TTLL5: variants seen among roughly 807,000 people sequenced by gnomAD.
TTLL5 encodes the protein tubulin tyrosine ligase like 5.
In TTLL5, 132 loss-of-function variants were observed where a neutral mutation model predicts 168.4. The ratio of observed to expected loss-of-function variants is 0.78; its 90% CI spans 0.68 to 0.91. The LOEUF is 0.91. Among genes scored for constraint, TTLL5 ranks in the 40% least tolerant of loss-of-function variants. TTLL5 has a pLI of 0.00. For missense variants in TTLL5, 1,545 were observed against 1,581.5 expected (o/e 0.98, Z 0.39); for synonymous variants, 546 against 558.6 (o/e 0.98, Z 0.32).
At chr14:75,691,567 T>A (rs1361638920) in intron 6 of TTLL5, among the ~76,000 whole-genome samples, 1 of 152,244 alleles carries the variant, frequency 6.6e-6, no homozygotes, top group Non-Finnish European at 1.5e-5. Context: ...ACTGGCAGTT[T>A]GGCTTCAGAG....
intron 28 of TTLL5, among the ~76,000 whole-genome samples, chr14:75,858,326 C>T (rs1039710567): frequency 2.6e-5 from 4 of 152,222 alleles, no homozygotes; most frequent in African/African-American, 9.6e-5. Context: ...TATTCTTGAC[C>T]ACCATAGCAT....
At chr14:75,893,923 G>C (rs1021145854) in intron 30 of TTLL5, among the ~76,000 whole-genome samples, 2 of 151,636 alleles carry the variant, frequency 1.3e-5, no homozygotes, top group African/African-American at 4.8e-5. Flanking sequence ...AGACTGTATA[G>C]AGATAGAAGT....
chr14:75,875,826 T>C (rs752801790), intron 29 of TTLL5, among the ~76,000 whole-genome samples: 5 of 152,214 alleles, frequency 3.3e-5, no homozygotes, highest in Non-Finnish European at 5.9e-5. Flanking sequence ...TACATACATA[T>C]AGAAAATAAG....
intron 31 of TTLL5, among the ~76,000 whole-genome samples, chr14:75,912,007 C>T (rs2033407539): frequency 6.6e-6 from 1 of 152,194 alleles, no homozygotes; most frequent in African/African-American, 2.4e-5. Context: ...TCCTGAAAAC[C>T]TGCAGCGTTG....
intron 27 of TTLL5, among the ~76,000 whole-genome samples, chr14:75,809,906 T>C (rs1893891519): frequency 6.6e-6 from 1 of 152,230 alleles, no homozygotes; most frequent in South Asian, 2.1e-4. Flanking sequence ...TTCATTCTTT[T>C]TGTGGCCGAA....
In TTLL5 at chr14:75,890,910, G is replaced by A. The variant is rs138700044; in HGVS notation, c.3740+8008G>A. Among the ~76,000 whole-genome samples the A allele has an allele frequency of 6.8e-3, 1,032 of 152,108 alleles. 13 individuals are homozygous for A. The highest frequency in any genetic ancestry group is 0.024 in the African/African-American group (985 of 41,488). ...AATTTTTTGTATTTTTAGTAGAGAC[G>A]GGGTTTCACCGTGTTGCCCAGGGTG... On this transcript the variant is annotated intron_variant, in intron 30 of 31. Transcript: ENST00000298832.
intron 18 of TTLL5, among the ~76,000 whole-genome samples, chr14:75,757,587 A>T (rs1890359211): frequency 6.6e-6 from 1 of 152,230 alleles, no homozygotes; most frequent in African/African-American, 2.4e-5. Context: ...AATAATTATT[A>T]TAATTTTTCT....
In TTLL5 at chr14:75,799,677, T is replaced by G. The variant is rs1893179062; in HGVS notation, c.3171+6577T>G. Among the ~76,000 whole-genome samples, 3 of 152,340 alleles carry G rather than the reference T, an allele frequency of 2.0e-5. No individual in the cohort carries two copies. The South Asian group carries it at 6.2e-4, about 32-fold the overall frequency. On this transcript the variant is annotated intron_variant, in intron 27 of 31. Coordinates refer to ENST00000298832, the MANE Select transcript of TTLL5 (RefSeq NM_015072.5). Reference sequence around the variant, plus strand: ...GTGCTGGCTTGGTAGTGGCTAATTCTCTCAGCATTTGTTTGTCTGAAAAAG... The same window carrying G: ...GTGCTGGCTTGGTAGTGGCTAATTCGCTCAGCATTTGTTTGTCTGAAAAAG...
intron 30 of TTLL5, among the ~76,000 whole-genome samples, chr14:75,897,611 G>A (rs1566650756): frequency 1.3e-5 from 2 of 152,016 alleles, no homozygotes; most frequent in Non-Finnish European, 2.9e-5. Context: ...CAAGTAGCTG[G>A]TTTTACAGGC....
chr14:75,682,082 C>T (rs1369784655), intron 4 of TTLL5, among the ~76,000 whole-genome samples: 1 of 150,968 alleles, frequency 6.6e-6, no homozygotes, highest in African/African-American at 2.4e-5. Flanking sequence ...CCCAGCTACT[C>T]AGGAGCCCGA....
At chr14:75,851,877 C>T (rs1896874334) in intron 28 of TTLL5, among the ~76,000 whole-genome samples, 1 of 152,142 alleles carries the variant, frequency 6.6e-6, no homozygotes, top group African/African-American at 2.4e-5. Flanking sequence ...AGAAGCAGTG[C>T]TTGTTGTTTA....
At chr14:75,688,085 C>T (rs1885200891) in intron 5 of TTLL5, among the ~76,000 whole-genome samples, 1 of 152,108 alleles carries the variant, frequency 6.6e-6, no homozygotes, top group South Asian at 2.1e-4. Flanking sequence ...CTTGGAATCT[C>T]CAGAGTGAGA....
intron 31 of TTLL5, among the ~76,000 whole-genome samples, chr14:75,948,158 T>C (rs2034836889): frequency 1.4e-5 from 1 of 71,050 alleles, no homozygotes. Context: ...AGTCCTCATA[T>C]TTTTGGAAAT....
rs1890385767 is a variant in TTLL5 at position 75,757,939 on chromosome 14, T to A, written c.1550+4984T>A. On this transcript the variant is annotated intron_variant, in intron 18 of 31. Coordinates refer to ENST00000298832, the MANE Select transcript of TTLL5 (RefSeq NM_015072.5). ...TGTGTGACCATGCACAGACTAAGCA[T>A]AATACCTTATATAACCATTTTTAGT... 13 of 1,350,596 alleles carry A rather than the reference T, an allele frequency of 9.6e-6. No homozygotes were observed. The South Asian group carries it at 2.5e-4, about 26-fold the overall frequency. 83.7% of individuals were successfully genotyped at this position (1,350,596 alleles called of 1,614,324 possible).
rs759708297 is a variant in TTLL5, at chr14:75,863,652, T to G, written c.3327-15T>G. On this transcript the variant is annotated splice_polypyrimidine_tract_variant and intron_variant, in intron 28 of 31. Transcript: ENST00000298832. ...AGCCACTCACTCTAAGAAACCTGCT[T>G]GCTTTTCTCTTCAGGAGCCTGCAGA... The G allele has an allele frequency of 6.3e-7, 1 of 1,586,038 alleles. No homozygotes were observed. Among genetic ancestry groups the G allele is most frequent in the South Asian group, 1.1e-5 (1 of 87,382 alleles).
At position 75,783,392 on chromosome 14, in the gene TTLL5, G is replaced by C; in HGVS notation, c.2848G>C (p.Gly950Arg). Residue 950 changes from glycine to arginine, a missense_variant, in exon 26 of 32, where the codon GGG (glycine) becomes CGG (arginine). Transcript: ENST00000298832. ...SASASPCLHP[G>R]AQNIPSPTGL... ...CAGTGCTTCTCCCTGCCTACATCCC[G>C]GGGCACAGAACATCCCAAGCCCTAC... The C allele has an allele frequency of 6.2e-7, 1 of 1,614,074 alleles. No homozygotes were observed.
At chr14:75,697,615 A>G (rs1885964009) in intron 6 of TTLL5, among the ~76,000 whole-genome samples, 1 of 152,184 alleles carries the variant, frequency 6.6e-6, no homozygotes, top group African/African-American at 2.4e-5. Context: ...GGAGACAAGT[A>G]GTTGCTGGCA....
intron 6 of TTLL5, among the ~76,000 whole-genome samples, chr14:75,695,713 G>A (rs1237806147): frequency 6.6e-6 from 1 of 152,024 alleles, no homozygotes; most frequent in South Asian, 2.1e-4. Context: ...TGGTTCCCCC[G>A]ATAGCCAGAA....
At chr14:75,756,295 T>C (rs1405643512) in intron 18 of TTLL5, among the ~76,000 whole-genome samples, 1 of 152,210 alleles carries the variant, frequency 6.6e-6, no homozygotes, top group East Asian at 1.9e-4. Context: ...TGACTCTATA[T>C]AATATTTTTG....
Sources: gnomAD v4.1 joint callset for allele counts (sites outside exome capture counted in the v4.1 genomes callset) on GRCh38, gnomAD v4.1.1 for gene constraint, MANE v1.5 for transcripts, NCBI Gene and HGNC (gene_info 2026-07-23, HGNC 2026-07-21) for gene names.